DPYD: variants seen among roughly 807,000 people sequenced by gnomAD.
DPYD encodes dihydropyrimidine dehydrogenase, also known as dihydropyrimidine dehydrogenase [NADP(+)].
In DPYD, 109 loss-of-function variants were observed where a neutral mutation model predicts 116.2. That is an observed-to-expected ratio of 0.94 (90% CI 0.80 to 1.10). DPYD has a LOEUF of 1.10. DPYD is among the 50% of genes least tolerant of loss of function. The pLI is 0.00. For synonymous variants in DPYD, 440 were observed against 432.0 expected, an observed-to-expected ratio of 1.02 and a Z score of -0.23; for missense variants, 1,302 against 1,254.5, an observed-to-expected ratio of 1.04 and a Z score of -0.57.
intron 1 of DPYD, among the ~76,000 whole-genome samples, chr1:97,885,518 G>T (rs1387839482): frequency 1.3e-5 from 2 of 151,934 alleles, no homozygotes; most frequent in African/African-American, 2.4e-5. Context: ...TCTTAGACAA[G>T]AATAAAATCA....
rs188810151 is a variant in DPYD at position 97,719,679 on chromosome 1, A to G, written c.483+1831T>C. The G allele has an allele frequency of 1.9e-5, 19 of 983,866 alleles. No individual in the cohort carries two copies. In the East Asian group the frequency reaches 1.5e-3, roughly 77 times the overall value. The allele number at this position is 983,866 out of a possible 1,614,324, so 60.9% of individuals were successfully genotyped here. A position where few individuals can be genotyped will look rare whatever the true frequency, so the allele number is the denominator to read the frequency against. ...TTGGGTAAATTTAAGTAAACCACAC[A>G]CTGACCTAGGGAATACAGGACTTTC... On this transcript the variant is annotated intron_variant, in intron 5 of 22. Coordinates refer to ENST00000370192, the MANE Select transcript of DPYD (RefSeq NM_000110.4).
chr1:97,877,161 T>C lies in DPYD; in HGVS notation c.150+6103A>G, dbSNP rs1234029852. 3.3e-5 allele frequency among the ~76,000 whole-genome samples: 5 copies of C among 152,112 alleles called. 1 individual carries two copies. In the South Asian group the frequency reaches 1.0e-3, roughly 32 times the overall value. On this transcript the variant is annotated intron_variant, in intron 2 of 22. Transcript: ENST00000370192. ...GTTGAGTGGAACATCAGAATGACTG[T>C]CATCTTTTCAAGAATGGCTTCAAAG...
intron 14 of DPYD, among the ~76,000 whole-genome samples, chr1:97,425,527 T>C (rs1674816177): frequency 1.3e-5 from 2 of 152,122 alleles, no homozygotes; most frequent in South Asian, 4.1e-4. Context: ...AATGTTAGTC[T>C]CCTTTACTGA....
intron 2 of DPYD, among the ~76,000 whole-genome samples, chr1:97,828,524 C>A (rs1282228848): frequency 6.6e-6 from 1 of 151,924 alleles, no homozygotes; most frequent in Non-Finnish European, 1.5e-5. Flanking sequence ...AAAATTAGTT[C>A]TCTAAAATAA....
At chr1:97,543,092 C>T (rs1232038700) in intron 12 of DPYD, among the ~76,000 whole-genome samples, 1 of 151,986 alleles carries the variant, frequency 6.6e-6, no homozygotes, top group Non-Finnish European at 1.5e-5. Flanking sequence ...TCTGCAAGAC[C>T]CAAGAAGATA....
At chr1:97,613,968 G>T (rs1229279390) in intron 8 of DPYD, among the ~76,000 whole-genome samples, 3 of 152,016 alleles carry the variant, frequency 2.0e-5, no homozygotes, top group Non-Finnish European at 4.4e-5. Context: ...CAGGGGGAGG[G>T]ATGGATCTTA....
chr1:97,328,780 G>C (rs1668836254), intron 16 of DPYD, among the ~76,000 whole-genome samples: 1 of 152,018 alleles, frequency 6.6e-6, no homozygotes. Flanking sequence ...TACTTAAGTA[G>C]TATTTTGTTA....
At chr1:97,493,900 G>A (rs1679111347) in intron 13 of DPYD, among the ~76,000 whole-genome samples, 1 of 152,118 alleles carries the variant, frequency 6.6e-6, no homozygotes, top group African/African-American at 2.4e-5. Flanking sequence ...ACTCTAACAA[G>A]ATAGAAGAGG....
Position 97,541,638 on chromosome 1 carries a change from G to T in DPYD, c.1524+7922C>A, listed in dbSNP as rs560506744. On this transcript the variant is annotated intron_variant, in intron 12 of 22. Transcript: ENST00000370192. ...AAATTATAAGCTTTGGTCATGTGCT[G>T]CTTATGTAATAAATAATAAAATGAT... Among the ~76,000 whole-genome samples, 81 of 152,230 alleles carry T rather than the reference G, an allele frequency of 5.3e-4. 1 individual carries two copies. The highest frequency in any genetic ancestry group is 1.7e-3 in the African/African-American group (69 of 41,540).
At chr1:97,194,404 T>C (rs759299831) in intron 19 of DPYD, among the ~76,000 whole-genome samples, 1 of 152,156 alleles carries the variant, frequency 6.6e-6, no homozygotes, top group Non-Finnish European at 1.5e-5. Flanking sequence ...CCTTCTGCCA[T>C]GATTGTAAGT....
chr1:97,315,741 C>A (rs773260749), intron 16 of DPYD, among the ~76,000 whole-genome samples: 12 of 151,962 alleles, frequency 7.9e-5, no homozygotes, highest in Admixed American at 1.3e-4. Context: ...CTAGTTCTAC[C>A]CTTGGCTTGA....
intron 20 of DPYD, among the ~76,000 whole-genome samples, chr1:97,145,290 A>G (rs1019048952): frequency 1.3e-5 from 2 of 152,006 alleles, no homozygotes; most frequent in Admixed American, 6.6e-5. Flanking sequence ...GCCTGTGGAG[A>G]AAAAAAATCC....
chr1:97,882,046 A>T (rs1373984943), intron 2 of DPYD, among the ~76,000 whole-genome samples: 3 of 151,828 alleles, frequency 2.0e-5, no homozygotes, highest in Admixed American at 6.6e-5. Flanking sequence ...TAATAAAAAA[A>T]TTATATGATT....
chr1:97,572,437 G>T (rs1396282231), intron 11 of DPYD, among the ~76,000 whole-genome samples: 1 of 151,876 alleles, frequency 6.6e-6, no homozygotes, highest in Non-Finnish European at 1.5e-5. Flanking sequence ...TTAATATTAG[G>T]ATTGTCAATT....
intron 4 of DPYD, among the ~76,000 whole-genome samples, chr1:97,739,226 G>A (rs1215127417): frequency 6.6e-6 from 1 of 151,968 alleles, no homozygotes; most frequent in East Asian, 1.9e-4. Flanking sequence ...TGAATGAATA[G>A]GGAAACTAAT....
chr1:97,471,841 C>G (rs980673437), intron 13 of DPYD, among the ~76,000 whole-genome samples: 2 of 152,112 alleles, frequency 1.3e-5, no homozygotes, highest in Admixed American at 1.3e-4. Flanking sequence ...CTGCACATCT[C>G]GGCCTCCCAA....
intron 2 of DPYD, among the ~76,000 whole-genome samples, chr1:97,828,958 T>C (rs1362016301): frequency 6.6e-6 from 1 of 151,926 alleles, no homozygotes; most frequent in African/African-American, 2.4e-5. Flanking sequence ...TTTACTACAA[T>C]TCTAAATATA....
chr1:97,708,406 A>G (rs1382199265), intron 5 of DPYD, among the ~76,000 whole-genome samples: 1 of 152,038 alleles, frequency 6.6e-6, no homozygotes, highest in Admixed American at 6.6e-5. Context: ...TGAAAGGACT[A>G]TCCCTTCTCC....
At chr1:97,510,802 A>G (rs1647734537) in intron 13 of DPYD, among the ~76,000 whole-genome samples, 1 of 151,604 alleles carries the variant, frequency 6.6e-6, no homozygotes, top group Non-Finnish European at 1.5e-5. Context: ...TAGACTTTGG[A>G]GTCTTTGTGT....
Sources: gnomAD v4.1 joint callset for allele counts (sites outside exome capture counted in the v4.1 genomes callset) on GRCh38, gnomAD v4.1.1 for gene constraint, MANE v1.5 for transcripts, NCBI Gene and HGNC (gene_info 2026-07-23, HGNC 2026-07-21) for gene names.